Variants in RUSC2 observed in about 807,000 individuals in gnomAD.
The protein encoded by RUSC2 is RUN and SH3 domain containing 2.
RUSC2 carries 34 observed loss-of-function variants against 122.2 expected under a neutral mutation model. The ratio of observed to expected loss-of-function variants is 0.28; its 90% confidence interval spans 0.21 to 0.37. RUSC2 has a LOEUF of 0.37. RUSC2 is among the 10% of genes least tolerant of loss of function. RUSC2 has a pLI of 1.00. For synonymous variants in RUSC2, 784 were observed against 790.0 expected (o/e 0.99, Z 0.13); for missense variants, 1,747 against 1,952.4 (o/e 0.89, Z 1.98).
chr9:35,531,112 T>C (rs1821410141), intron 1 of RUSC2, among the ~76,000 whole-genome samples: 1 of 151,958 alleles, frequency 6.6e-6, no homozygotes, highest in African/African-American at 2.4e-5. Flanking sequence ...TACAAAAAAA[T>C]TAGCCGGGCT....
At position 35,561,338 on chromosome 9, in the gene RUSC2, T is replaced by C. The variant is rs773985044; in HGVS notation, c.4507T>C (p.Leu1503=). Residue 1503 remains leucine, a synonymous_variant, in exon 12 of 12, where the codon TTG becomes CTG. Coordinates refer to ENST00000361226, the MANE Select transcript of RUSC2 (RefSeq NM_014806.5). ...SGLVPLAYVT[L]TPTPSPTPGS... ...CCTGGTGCCCCTGGCCTACGTGACA[T>C]TGACCCCAACTCCAAGTCCAACCCC... is the stretch of plus-strand genomic sequence containing the variant. 1.2e-6 allele frequency: 2 copies of C among 1,614,038 alleles called. No homozygotes were observed. Among genetic ancestry groups the C allele is most frequent in the South Asian group, 2.2e-5 (2 of 91,074 alleles).
rs1282662009 is a variant in RUSC2, at chr9:35,547,241, T to A, written c.720T>A (p.Pro240=). ...KLSSDESPRN[P]GCSGSGDQHC... The stretch of plus-strand genomic sequence containing the variant: ...GTTCAGATGAATCCCCAAGGAACCC[T>A]GGATGCTCCGGCTCAGGGGACCAGC... Residue 240 remains proline (P), a synonymous_variant, in exon 2 of 12, where the codon CCT becomes CCA. Transcript: ENST00000361226. This position sits in a 1 kb window ranked among gnomAD's most constrained non-coding sequence, Gnocchi z 4.6. The A allele has an allele frequency of 1.2e-6, 2 of 1,614,060 alleles. No homozygotes were observed. The highest frequency in any genetic ancestry group is 1.7e-6 in the Non-Finnish European group (2 of 1,180,040).
At position 35,507,925 on chromosome 9, in the gene RUSC2, T is replaced by C. The variant is rs1820946669; in HGVS notation, c.-93+17753T>C. 3 of 184,660 alleles carry C rather than the reference T, an allele frequency of 1.6e-5. No individual in the cohort carries two copies. The South Asian group carries it at 3.2e-4, about 20-fold the overall frequency. The allele number at this position is 184,660 out of a possible 1,614,324, so 11.4% of individuals were successfully genotyped here. On this transcript the variant is annotated intron_variant, in intron 1 of 11. Transcript: ENST00000361226. ...TATGAAGACAATAAAATCTTGAGTT[T>C]ATGTTCCAAAAAATTTAAAAATAAA...
At chr9:35,527,194 G>T (rs560126392) in intron 1 of RUSC2, among the ~76,000 whole-genome samples, 2 of 151,788 alleles carry the variant, frequency 1.3e-5, no homozygotes, top group South Asian at 4.2e-4. Flanking sequence ...CTGGAGTGCA[G>T]TAGTGCTTTC....
At chr9:35,511,187 G>C (rs1400857213) in intron 1 of RUSC2, among the ~76,000 whole-genome samples, 1 of 152,108 alleles carries the variant, frequency 6.6e-6, no homozygotes, top group Non-Finnish European at 1.5e-5. Context: ...CTGGACTTTT[G>C]AAACATATCC....
intron 1 of RUSC2, among the ~76,000 whole-genome samples, chr9:35,532,957 G>C (rs1284599121): frequency 6.6e-6 from 1 of 151,520 alleles, no homozygotes; most frequent in Non-Finnish European, 1.5e-5. Flanking sequence ...AGGAATTTTG[G>C]TGTCGAGGCT....
At chr9:35,494,578 A>G (rs1820636853) in intron 1 of RUSC2, among the ~76,000 whole-genome samples, 1 of 152,112 alleles carries the variant, frequency 6.6e-6, no homozygotes, top group African/African-American at 2.4e-5. Context: ...TTTCATACCT[A>G]TCGGCCATTT....
chr9:35,495,075 A>ATAC (rs1820664616), intron 1 of RUSC2, among the ~76,000 whole-genome samples: 21 of 4,894 alleles, frequency 4.3e-3, no homozygotes, highest in Non-Finnish European at 8.4e-3. Context: ...TATATATTAT[A>ATAC]TATAGTATAT....
Position 35,560,251 on chromosome 9 carries a change from C to G in RUSC2, c.3611C>G (p.Ser1204Cys). The change falls in exon 10 of 12, where the codon TCC (serine) becomes TGC (cysteine). Residue 1204 changes from serine (S) to cysteine (C), a missense_variant. Ser to Cys is a moderately radical substitution (Grantham distance 112). Coordinates refer to ENST00000361226, the MANE Select transcript of RUSC2 (RefSeq NM_014806.5). ...VSQDLLLSAH[S>C]TLQLARARGQ... ...CAGGACCTGCTGCTGTCTGCCCACT[C>G]CACGCTGCAGCTGGCCCGGGCCCGG... The G allele has an allele frequency of 6.3e-7, 1 of 1,596,462 alleles. No individual in the cohort carries two copies. Among genetic ancestry groups the G allele is most frequent in the African/African-American group, 1.3e-5 (1 of 74,834 alleles).
Position 35,558,485 on chromosome 9 carries a change from G to A in RUSC2, c.3259G>A (p.Gly1087Ser). The change falls in exon 8 of 12, where the codon GGC becomes AGC. Residue 1087 changes from glycine to serine, a missense_variant. Coordinates refer to ENST00000361226, the MANE Select transcript of RUSC2 (RefSeq NM_014806.5). This position sits in a 1 kb window ranked among gnomAD's most constrained non-coding sequence, Gnocchi z 4.3. Reference protein sequence around the residue: ...QLGPSTKVLHGLYNKVSQFPE... With the variant: ...QLGPSTKVLHSLYNKVSQFPE... ...AGGCCCATCCACCAAGGTCCTGCAT[G>A]GCCTCTACAACAAAGTCAGCCAATT... 1 of 1,614,072 alleles carries A rather than the reference G, an allele frequency of 6.2e-7. No homozygotes were observed. Among genetic ancestry groups the A allele is most frequent in the African/African-American group, 1.3e-5 (1 of 75,008 alleles).
At chr9:35,540,997 A>G (rs1821632203) in intron 1 of RUSC2, among the ~76,000 whole-genome samples, 1 of 152,178 alleles carries the variant, frequency 6.6e-6, no homozygotes, top group African/African-American at 2.4e-5. Context: ...ATATATATAA[A>G]TTAATGGCAC....
intron 1 of RUSC2, among the ~76,000 whole-genome samples, chr9:35,541,485 C>T (rs955043089): frequency 2.6e-5 from 4 of 151,494 alleles, no homozygotes; most frequent in South Asian, 2.1e-4. Context: ...CTCGCTTTGT[C>T]GCCCAGGCTG....
rs1564259780 is a variant in RUSC2 at position 35,540,677 on chromosome 9, T to C, written c.-92-5753T>C. Among the ~76,000 whole-genome samples, 5 of 152,098 alleles carry C rather than the reference T, an allele frequency of 3.3e-5. No homozygotes were observed. The South Asian group carries it at 1.0e-3, about 32-fold the overall frequency. ...TGAAAGGGACTGTAGGTTCATAGAA[T>C]AGAGAGGCCGGTAGACATAACCTGT... On this transcript the variant is annotated intron_variant, in intron 1 of 11. Coordinates refer to ENST00000361226, the MANE Select transcript of RUSC2 (RefSeq NM_014806.5).
chr9:35,548,390 G>C lies in RUSC2; in HGVS notation c.1869G>C (p.Gln623His), dbSNP rs768980692. The change falls in exon 2 of 12, where the codon CAG becomes CAC. Residue 623 changes from glutamine (Q) to histidine (H), a missense_variant. Transcript: ENST00000361226. This position sits in a 1 kb window ranked among gnomAD's most constrained non-coding sequence, Gnocchi z 4.5. ...CACCCTGGTCCACCCAGGTCTGTCAGGGACCCCACTCCAGTGAGATGCCTC... is the reference window on the plus strand; with the variant it reads ...CACCCTGGTCCACCCAGGTCTGTCACGGACCCCACTCCAGTGAGATGCCTC... Reference protein sequence around the residue: ...PSPPWSTQVCQGPHSSEMPPA... With the variant: ...PSPPWSTQVCHGPHSSEMPPA... The C allele has an allele frequency of 6.2e-7, 1 of 1,614,062 alleles. No individual in the cohort carries two copies. The highest frequency in any genetic ancestry group is 8.5e-7 in the Non-Finnish European group (1 of 1,180,028).
chr9:35,532,654 G>A (rs1048652673), intron 1 of RUSC2, among the ~76,000 whole-genome samples: 51 of 152,038 alleles, frequency 3.4e-4, no homozygotes, highest in Non-Finnish European at 5.7e-4. Context: ...GCTGAGGAAC[G>A]AGAATCACTT....
Position 35,512,160 on chromosome 9 carries a change from G to A in RUSC2, c.-93+21988G>A, listed in dbSNP as rs544359241. ...CGCGCCACTGCACTCCAGCCTGGGC[G>A]ACAGAACGAGACTTCCATCTCAAAA... is the stretch of plus-strand genomic sequence containing the variant. On this transcript the variant is annotated intron_variant, in intron 1 of 11. Transcript: ENST00000361226. Among the ~76,000 whole-genome samples, 476 of 151,322 alleles carry A rather than the reference G, an allele frequency of 3.1e-3. 2 individuals carry two copies. Among genetic ancestry groups the A allele is most frequent in the Middle Eastern group, 0.01 (3 of 294 alleles).
At position 35,547,998 on chromosome 9, in the gene RUSC2, C is replaced by A. The variant is rs200060562; in HGVS notation, c.1477C>A (p.Arg493Ser). ...TTCACCCCCCAACCTCAGCACTGGA[C>A]GTCAGCGCTCCCGCAGCTATGATCG... ...NTSPPNLSTG[R>S]QRSRSYDRSL... is the part of the protein sequence containing the mutation. The change falls in exon 2 of 12, where the codon CGT (arginine) becomes AGT (serine). Residue 493 changes from arginine (R) to serine (S), a missense_variant. Coordinates refer to ENST00000361226, the MANE Select transcript of RUSC2 (RefSeq NM_014806.5). This position sits in a 1 kb window ranked among gnomAD's most constrained non-coding sequence, Gnocchi z 4.6. The A allele has an allele frequency of 7.1e-5, 114 of 1,614,050 alleles. No individual in the cohort carries two copies. Among genetic ancestry groups the A allele is most frequent in the Admixed American group, 1.2e-4 (7 of 60,036 alleles).
intron 2 of RUSC2, among the ~76,000 whole-genome samples, chr9:35,554,349 A>G (rs1426963213): frequency 2.0e-5 from 3 of 152,226 alleles, no homozygotes; most frequent in African/African-American, 7.2e-5. Context: ...TGAGGTTCCA[A>G]TGCCAGGATC....
At chr9:35,509,153 C>A (rs1397130461) in intron 1 of RUSC2, among the ~76,000 whole-genome samples, 3 of 152,118 alleles carry the variant, frequency 2.0e-5, no homozygotes, top group Non-Finnish European at 4.4e-5. Flanking sequence ...TCAAGACCCT[C>A]GTCTCTTCAA....
Sources: allele counts gnomAD v4.1 joint callset (sites outside exome capture counted in the v4.1 genomes callset), GRCh38; gene constraint gnomAD v4.1.1; non-coding constraint Gnocchi (gnomAD v3.1); transcripts MANE v1.5; gene names NCBI Gene and HGNC (gene_info 2026-07-23, HGNC 2026-07-21).